The following STK32B variants were observed in gnomAD, a reference collection of about 807,000 sequenced individuals.
The protein encoded by STK32B is serine/threonine kinase 32B.
In STK32B, 43 loss-of-function variants were observed where a neutral mutation model predicts 52.6. The observed-to-expected ratio is 0.82, with a 90% CI of 0.64 to 1.05. The LOEUF is 1.05. Among genes scored for constraint, STK32B ranks in the 50% least tolerant of loss-of-function variants. STK32B has a pLI of 0.00. For synonymous variants in STK32B, 238 were observed against 204.3 expected (o/e 1.17, Z -1.41); for missense variants, 621 against 534.6 (o/e 1.16, Z -1.59).
At chr4:5,177,438 G>A (rs73210302) in intron 3 of STK32B, among the ~76,000 whole-genome samples, 28,566 of 152,108 alleles carry the variant, frequency 0.19, 3,383 homozygotes, top group East Asian at 0.31. Flanking sequence ...TACAGTTCAC[G>A]ATGCGACTTG....
chr4:5,173,558 T>G lies in STK32B; in HGVS notation c.260+5108T>G, dbSNP rs181829633. Among the ~76,000 whole-genome samples the G allele has an allele frequency of 2.4e-3, 371 of 152,334 alleles. 6 individuals carry two copies. In the East Asian group the frequency reaches 0.053, roughly 22 times the overall value. ...CTTTATTTCTGCCTTCATTTCGTTA[T>G]GTACCCAGTAGTCATTCAGGAGCAG... On this transcript the variant is annotated intron_variant, in intron 3 of 11. Transcript: ENST00000282908.
At chr4:5,448,943 C>T (rs1029296376) in intron 7 of STK32B, among the ~76,000 whole-genome samples, 13 of 152,122 alleles carry the variant, frequency 8.5e-5, no homozygotes, top group South Asian at 2.1e-4. Context: ...CCATGGACTA[C>T]GTAAATTTAG....
In STK32B at chr4:5,460,166, T is replaced by G; in HGVS notation, c.847T>G (p.Leu283Val). Residue 283 changes from leucine to valine, a missense_variant, in exon 9 of 12, where the codon TTG becomes GTG. Leu to Val is a conservative substitution (Grantham distance 32). Coordinates refer to ENST00000282908, the MANE Select transcript of STK32B (RefSeq NM_018401.3). The surrounding 1 kb of genome is among the most constrained non-coding windows in gnomAD (Gnocchi z 4.8). ...SLHDIQSVPY[L>V]ADMNWDAVFK... Reference sequence around the variant, plus strand: ...TCATGACATACAGAGCGTGCCCTACTTGGCCGACATGAACTGGGACGCGGT... The same window carrying G: ...TCATGACATACAGAGCGTGCCCTACGTGGCCGACATGAACTGGGACGCGGT... The G allele has an allele frequency of 6.2e-7, 1 of 1,614,184 alleles. No individual in the cohort carries two copies. The highest frequency in any genetic ancestry group is 8.5e-7 in the Non-Finnish European group (1 of 1,180,024).
At chr4:5,023,515 G>A in the STK32B span, among the ~76,000 whole-genome samples, 170 of 152,248 alleles carry the variant, frequency 1.1e-3, no homozygotes, top group African/African-American at 3.7e-3. Flanking sequence ...GATGAGATGC[G>A]ATGACACCCT....
intron 3 of STK32B, among the ~76,000 whole-genome samples, chr4:5,242,621 C>G (rs1384482659): frequency 6.6e-6 from 1 of 152,150 alleles, no homozygotes; most frequent in African/African-American, 2.4e-5. Context: ...GTTGCCATTG[C>G]TTTTGGTGTT....
rs370371334 is a variant in STK32B at position 5,100,711 on chromosome 4, T to C, written c.53-39194T>C. 1.3e-3 allele frequency among the ~76,000 whole-genome samples: 53 copies of C among 41,560 alleles called. 2 individuals are homozygous for C. Among genetic ancestry groups the C allele is most frequent in the East Asian group, 4.6e-3 (1 of 216 alleles). The allele number at this position is 41,560 out of a possible 152,430, so 27.3% of individuals were successfully genotyped here. A position where few individuals can be genotyped will look rare whatever the true frequency, so the allele number is the denominator to read the frequency against. On this transcript the variant is annotated intron_variant, in intron 1 of 11. Transcript: ENST00000282908. ...TTTCTTTCTTTCCTTCCTTCCTTTC[T>C]TCCTTCCCTCCTTCCCTTCTTCCTT... is the stretch of plus-strand genomic sequence containing the variant.
At chr4:5,382,391 AAG>A (rs1735989022) in intron 4 of STK32B, among the ~76,000 whole-genome samples, 1 of 152,148 alleles carries the variant, frequency 6.6e-6, no homozygotes, top group Admixed American at 6.5e-5. Context: ...AATACATGTA[AAG>A]TGCTGTGAAC....
intron 6 of STK32B, chr4:5,432,393 C>G (rs1713667258): frequency 6.6e-6 from 1 of 152,118 alleles, no homozygotes; most frequent in South Asian, 2.1e-4. Context: ...TAAAATATAG[C>G]ATGATAAGGA....
chr4:5,116,201 C>T (rs1251584584), intron 1 of STK32B, among the ~76,000 whole-genome samples: 4 of 152,034 alleles, frequency 2.6e-5, no homozygotes, highest in African/African-American at 4.8e-5. Context: ...CACACACACA[C>T]GCACACGGGA....
At chr4:5,332,761 C>T (rs545090066) in intron 4 of STK32B, among the ~76,000 whole-genome samples, 12 of 152,174 alleles carry the variant, frequency 7.9e-5, no homozygotes, top group Non-Finnish European at 1.5e-4. Context: ...GTTTTTTGTC[C>T]TTGCCATAGT....
At chr4:5,181,772 G>A (rs1037981804) in intron 3 of STK32B, among the ~76,000 whole-genome samples, 1 of 152,216 alleles carries the variant, frequency 6.6e-6, no homozygotes, top group African/African-American at 2.4e-5. Flanking sequence ...TCTTCAACAA[G>A]TTTTAATCTT....
intron 1 of STK32B, among the ~76,000 whole-genome samples, chr4:5,077,248 AAG>A (rs1346884678): frequency 6.6e-6 from 1 of 152,124 alleles, no homozygotes; most frequent in African/African-American, 2.4e-5. Flanking sequence ...CAGTTTACCA[AAG>A]AGAGATAAAG....
intron 1 of STK32B, among the ~76,000 whole-genome samples, chr4:5,069,543 A>G (rs1398810279): frequency 2.6e-5 from 4 of 152,162 alleles, no homozygotes; most frequent in Non-Finnish European, 5.9e-5. Flanking sequence ...CTGAAGCTGC[A>G]TTGCCTGGAG....
the STK32B span, among the ~76,000 whole-genome samples, chr4:5,022,576 A>G: frequency 6.6e-6 from 1 of 152,212 alleles, no homozygotes; most frequent in African/African-American, 2.4e-5. Context: ...GAATTTGCCC[A>G]CAAATCAGGT....
intron 3 of STK32B, among the ~76,000 whole-genome samples, chr4:5,245,704 C>G (rs1725395418): frequency 6.6e-6 from 1 of 152,182 alleles, no homozygotes; most frequent in South Asian, 2.1e-4. Context: ...TTCGCAGTGG[C>G]TGGTACCAGT....
intron 4 of STK32B, among the ~76,000 whole-genome samples, chr4:5,385,891 C>T: frequency 6.7e-6 from 1 of 149,596 alleles, no homozygotes; most frequent in Admixed American, 6.7e-5. Context: ...ACCCACAGAT[C>T]CACCCCTAGC....
At position 5,195,961 on chromosome 4, in the gene STK32B, T is replaced by C. The variant is rs76597005; in HGVS notation, c.260+27511T>C. Reference sequence around the variant, plus strand: ...TGGCAACCCTAAACATACATATATATGAAACTTACATGGCATCATTAAATT... The same window carrying C: ...TGGCAACCCTAAACATACATATATACGAAACTTACATGGCATCATTAAATT... On this transcript the variant is annotated intron_variant, in intron 3 of 11. Coordinates refer to ENST00000282908, the MANE Select transcript of STK32B (RefSeq NM_018401.3). Among the ~76,000 whole-genome samples the C allele has an allele frequency of 2.2e-3, 329 of 152,340 alleles. 7 individuals carry two copies. The East Asian group carries it at 0.052, about 24-fold the overall frequency.
chr4:5,164,367 T>G (rs1718699767), intron 2 of STK32B, among the ~76,000 whole-genome samples: 1 of 152,152 alleles, frequency 6.6e-6, no homozygotes, highest in Non-Finnish European at 1.5e-5. Flanking sequence ...TCTCCTCCCC[T>G]TCTCTTCTCT....
At chr4:5,415,656 C>A (rs1712102155) in intron 5 of STK32B, among the ~76,000 whole-genome samples, 1 of 152,214 alleles carries the variant, frequency 6.6e-6, no homozygotes, top group African/African-American at 2.4e-5. Context: ...TGGATCCTCA[C>A]TGAATAAATA....
Sources: allele counts gnomAD v4.1 joint callset (sites outside exome capture counted in the v4.1 genomes callset), GRCh38; gene constraint gnomAD v4.1.1; non-coding constraint Gnocchi (gnomAD v3.1); transcripts MANE v1.5; gene names NCBI Gene and HGNC (gene_info 2026-07-23, HGNC 2026-07-21).